Variants in USP24 observed in about 807,000 individuals in gnomAD.
USP24 encodes ubiquitin specific peptidase 24.
Under a neutral mutation model 361.6 loss-of-function variants are expected in USP24, and 97 were observed. The ratio of observed to expected loss-of-function variants is 0.27; its 90% CI spans 0.23 to 0.32. The LOEUF (loss-of-function observed/expected upper bound fraction) is 0.32, where lower values mean the gene tolerates loss of function less well. Ranked by LOEUF, USP24 falls within the 10% of genes least tolerant of loss-of-function variation. USP24 has a pLI of 1.00. For synonymous variants in USP24, 1,098 were observed against 1,124.6 expected (o/e 0.98, Z 0.47); for missense variants, 2,353 against 3,165.6 (o/e 0.74, Z 6.16).
intron 16 of USP24, among the ~76,000 whole-genome samples, chr1:55,149,510 T>C (rs897134639): frequency 2.0e-5 from 3 of 152,234 alleles, no homozygotes; most frequent in African/African-American, 4.8e-5. Context: ...CTATTGAATA[T>C]GTAAATGTGA....
At chr1:55,072,546 C>G (rs1644941987) in intron 65 of USP24, 143 bp from the exon 66 acceptor site, 1 of 777,198 alleles carries the variant, frequency 1.3e-6, no homozygotes. Context: ...TAAAGCGATT[C>G]AAGACCTCAG....
chr1:55,122,364 G>A (rs543333122), intron 36 of USP24, among the ~76,000 whole-genome samples: 2 of 152,298 alleles, frequency 1.3e-5, no homozygotes, highest in East Asian at 1.9e-4. Flanking sequence ...GAAGCACAGT[G>A]AGTAAAGGGA....
At chr1:55,132,141 G>A (rs893192499) in intron 31 of USP24, among the ~76,000 whole-genome samples, 8 of 152,188 alleles carry the variant, frequency 5.3e-5, no homozygotes, top group East Asian at 3.8e-4. Flanking sequence ...AACGAACTGA[G>A]TGTTTGTATT....
Position 55,068,342 on chromosome 1 carries a change from A to G in USP24, c.*703T>C, listed in dbSNP as rs1644856553. 6.6e-6 allele frequency: 1 copy of G among 152,222 alleles called. No homozygotes were observed. The highest frequency in any genetic ancestry group is 1.9e-4 in the East Asian group (1 of 5,202). 9.4% of individuals were successfully genotyped at this position (152,222 alleles called of 1,614,324 possible). A position where few individuals can be genotyped will look rare whatever the true frequency, so the allele number is the denominator to read the frequency against. ...ACTTCTGGAGAACACAGCATTTTCA[A>G]AATTGCTCTTTTCAATCTAATTATA... On this transcript the variant is annotated 3_prime_UTR_variant, in exon 68 of 68. Transcript: ENST00000294383.
intron 46 of USP24, 149 bp downstream of exon 46, chr1:55,098,327 G>T: frequency 1.2e-6 from 1 of 869,406 alleles, no homozygotes. Context: ...GAAGTAGAAA[G>T]CAAAGAAATT....
At chr1:55,171,815 G>T in intron 4 of USP24, 137 bp from the exon 5 acceptor site, 4 of 970,812 alleles carry the variant, frequency 4.1e-6, no homozygotes, top group Non-Finnish European at 6.0e-6. Context: ...GAAAGCATAC[G>T]CCTTAGCTAG....
Position 55,119,521 on chromosome 1 carries a change from C to T in USP24, c.4508+1075G>A, listed in dbSNP as rs79729964. Among the ~76,000 whole-genome samples, 507 of 152,102 alleles carry T rather than the reference C, an allele frequency of 3.3e-3. 4 individuals are homozygous for T. The highest frequency in any genetic ancestry group is 0.012 in the African/African-American group (493 of 41,476). ...ATGGTTGCATCACAATGTGTGCATA[C>T]TTAATGTCGCGGAATTGTATACCTC... On this transcript the variant is annotated intron_variant, in intron 38 of 67. Transcript: ENST00000294383.
In USP24 at chr1:55,098,521, T is replaced by C. The variant is rs1191365813; in HGVS notation, c.5408A>G (p.Gln1803Arg). 1 of 1,612,850 alleles carries C rather than the reference T, an allele frequency of 6.2e-7. No individual in the cohort carries two copies. The highest frequency in any genetic ancestry group is 8.5e-7 in the Non-Finnish European group (1 of 1,179,414). ...GATCTTCTGATCAGAGTAGATGCCCTGAAATGTATTCTTAAAAATTTGGTC... is the reference window on the plus strand; with the variant it reads ...GATCTTCTGATCAGAGTAGATGCCCCGAAATGTATTCTTAAAAATTTGGTC... Reference protein sequence around the residue: ...GRDQIFKNTFQGIYSDQKICK... With the variant: ...GRDQIFKNTFRGIYSDQKICK... Residue 1803 changes from glutamine (Q) to arginine (R), a missense_variant, in exon 46 of 68, where the codon CAG (glutamine) becomes CGG (arginine). Physicochemically the swap from Gln to Arg is conservative, Grantham distance 43. Around this residue, in one of 8 missense-constraint regions of USP24, gnomAD observed 105 missense variants for 200.3 expected, o/e 0.52. Coordinates refer to ENST00000294383, the MANE Select transcript of USP24 (RefSeq NM_015306.3).
intron 24 of USP24, among the ~76,000 whole-genome samples, chr1:55,139,362 A>G (rs970961568): frequency 2.0e-5 from 3 of 152,200 alleles, no homozygotes; most frequent in Non-Finnish European, 4.4e-5. Flanking sequence ...ACTTTATCTT[A>G]TAACTAAAAT....
intron 16 of USP24, chr1:55,152,052 C>G (rs2100732812): frequency 1.1e-6 from 1 of 946,466 alleles, no homozygotes; most frequent in African/African-American, 1.8e-5. Context: ...GGAGCCATAT[C>G]CAGGGGGCTT....
At chr1:55,091,352 C>T (rs1645372192) in intron 54 of USP24, among the ~76,000 whole-genome samples, 1 of 152,226 alleles carries the variant, frequency 6.6e-6, no homozygotes, top group African/African-American at 2.4e-5. Context: ...CTAGGCTGTG[C>T]GTTCCCTATG....
At chr1:55,096,736 A>C (rs1185873986) in intron 49 of USP24, 114 bp from the exon 50 acceptor site, 1 of 1,447,004 alleles carries the variant, frequency 6.9e-7, no homozygotes, top group African/African-American at 1.4e-5. Flanking sequence ...CCATTTGAAA[A>C]TATCTAAGAA....
chr1:55,190,536 T>A (rs1448407972), intron 1 of USP24, among the ~76,000 whole-genome samples: 1 of 152,240 alleles, frequency 6.6e-6, no homozygotes, highest in Non-Finnish European at 1.5e-5. Context: ...AGACATAATG[T>A]ATTGAGCTTT....
Position 55,143,123 on chromosome 1 carries a change from T to C in USP24, c.2440-4A>G. On this transcript the variant is annotated splice_polypyrimidine_tract_variant and splice_region_variant and intron_variant, in intron 21 of 67. Transcript: ENST00000294383. ...TCAATTCCAGCTTTTCTACATACTG[T>C]TCAAAAGAAAAAAAATTAAATTATA... 1 of 1,481,346 alleles carries C rather than the reference T, an allele frequency of 6.8e-7. No individual in the cohort carries two copies. The highest frequency in any genetic ancestry group is 8.9e-7 in the Non-Finnish European group (1 of 1,122,512). 91.8% of individuals were successfully genotyped at this position (1,481,346 alleles called of 1,614,324 possible).
intron 6 of USP24, 74 bp downstream of exon 6, chr1:55,166,494 T>G: frequency 7.4e-7 from 1 of 1,355,536 alleles, no homozygotes; most frequent in Non-Finnish European, 1.0e-6. Context: ...ATTTGCTTAA[T>G]ATACCAAACT....
chr1:55,157,509 A>G, intron 10 of USP24, 139 bp from the exon 11 acceptor site: 1 of 527,682 alleles, frequency 1.9e-6, no homozygotes. Context: ...TAAGAAGTTA[A>G]CAGACTACCA....
In USP24 at chr1:55,079,579, C is replaced by T; in HGVS notation, c.7159G>A (p.Ala2387Thr). The T allele has an allele frequency of 6.4e-7, 1 of 1,572,780 alleles. No individual in the cohort carries two copies. The highest frequency in any genetic ancestry group is 1.2e-5 in the South Asian group (1 of 81,840). The change falls in exon 60 of 68, where the codon GCC (alanine) becomes ACC (threonine). Residue 2387 changes from alanine to threonine, a missense_variant. Physicochemically the swap from Ala to Thr is moderately conservative, Grantham distance 58. This residue lies in a region of USP24 where 598 missense variants were observed against 761.9 expected (regional missense o/e 0.78). Coordinates refer to ENST00000294383, the MANE Select transcript of USP24 (RefSeq NM_015306.3). ...PLLPLHEEVE[A>T]LLFMSEGKPY... ...TTCCCTTCAGACATGAACAACAAGG[C>T]TTCTACCTCCTCATGGAGGGGCAAC...
At chr1:55,086,073 G>T in intron 55 of USP24, 35 bp from the exon 56 acceptor site, 1 of 1,596,712 alleles carries the variant, frequency 6.3e-7, no homozygotes, top group Non-Finnish European at 8.6e-7. Context: ...GAAAAAGCAA[G>T]ATACATTTCC....
intron 46 of USP24, 32 bp downstream of exon 46, chr1:55,098,444 A>AT: frequency 1.3e-6 from 2 of 1,572,894 alleles, no homozygotes; most frequent in Non-Finnish European, 1.7e-6. Flanking sequence ...AAGGATGATC[A>AT]TTTTTCCTGT....
Sources: gnomAD v4.1 joint callset for allele counts (sites outside exome capture counted in the v4.1 genomes callset) on GRCh38, gnomAD v4.1.1 for gene constraint, gnomAD v4.1.1 regional missense constraint, MANE v1.5 for transcripts, NCBI Gene and HGNC (gene_info 2026-07-23, HGNC 2026-07-21) for gene names.